Variants in ACP1 observed in about 807,000 individuals in gnomAD.
ACP1 encodes low molecular weight phosphotyrosine protein phosphatase.
In ACP1, 23 loss-of-function variants were observed where a neutral mutation model predicts 23.4. The ratio of observed to expected loss-of-function variants is 0.98; its 90% CI spans 0.71 to 1.39. The LOEUF is 1.39. Ranked by LOEUF, ACP1 falls within the 40% of genes most tolerant of loss-of-function variation. The pLI is 0.00. For synonymous variants in ACP1, 72 were observed against 67.2 expected (o/e 1.07, Z -0.35); for missense variants, 180 against 197.7 (o/e 0.91, Z 0.54).
In ACP1 at chr2:271,918, C is replaced by G; in HGVS notation, c.96C>G (p.Thr32=). 1.2e-6 allele frequency: 2 copies of G among 1,613,066 alleles called. No individual in the cohort carries two copies. Among genetic ancestry groups the G allele is most frequent in the East Asian group, 2.2e-5 (1 of 44,830 alleles). The change falls in exon 2 of 6, where the codon ACC becomes ACG. Residue 32 remains threonine, a synonymous_variant. Transcript: ENST00000272065. ...AAGCAGTTTTCAGGAAACTTGTAACCGATCAAAACATCTCAGAGAATGTAA... is the reference window on the plus strand; with the variant it reads ...AAGCAGTTTTCAGGAAACTTGTAACGGATCAAAACATCTCAGAGAATGTAA... The part of the protein sequence containing the change: ...IAEAVFRKLV[T]DQNISENWRV...
chr2:276,924 C>G, intron 4 of ACP1, 56 bp from the exon 5 acceptor site: 1 of 1,067,480 alleles, frequency 9.4e-7, no homozygotes. Flanking sequence ...AGCAGATGTC[C>G]CTGTTTAACT....
At chr2:272,279 A>C (rs1178834692) in intron 3 of ACP1, 129 bp downstream of exon 3, 1 of 1,613,866 alleles carries the variant, frequency 6.2e-7, no homozygotes, top group African/African-American at 1.3e-5. Context: ...AAATCATGGC[A>C]TTCACACAGC....
chr2:277,367 C>T lies in ACP1; in HGVS notation c.*63C>T. 6.9e-7 allele frequency: 1 copy of T among 1,451,890 alleles called. No homozygotes were observed. The highest frequency in any genetic ancestry group is 2.3e-5 in the East Asian group (1 of 44,162). 89.9% of individuals were successfully genotyped at this position (1,451,890 alleles called of 1,614,324 possible). On this transcript the variant is annotated 3_prime_UTR_variant, in exon 6 of 6. Coordinates refer to ENST00000272065, the MANE Select transcript of ACP1 (RefSeq NM_004300.4). ...CCCCACCCTGAGGTCCTGCATTTCT[C>T]AGTCGGTGTGTAATCACGTTCCAGG... is the stretch of plus-strand genomic sequence containing the variant.
intron 1 of ACP1, among the ~76,000 whole-genome samples, chr2:267,360 C>T (rs1025157460): frequency 6.6e-6 from 1 of 152,154 alleles, no homozygotes; most frequent in African/African-American, 2.4e-5. Context: ...AATTGATGTG[C>T]TCAATCGGTT....
At chr2:266,441 T>C (rs1337346153) in intron 1 of ACP1, 1 of 152,220 alleles carries the variant, frequency 6.6e-6, no homozygotes, top group African/African-American at 2.4e-5. Flanking sequence ...TGGTTGGTAT[T>C]GTCGATTATG....
intron 1 of ACP1, among the ~76,000 whole-genome samples, chr2:266,603 A>G (rs993383597): frequency 7.2e-5 from 11 of 152,340 alleles, no homozygotes; most frequent in African/African-American, 1.9e-4. Context: ...CAATTGGAAC[A>G]TGTGTCTGCT....
intron 1 of ACP1, among the ~76,000 whole-genome samples, chr2:268,838 T>G (rs554897901): frequency 1.4e-4 from 21 of 152,348 alleles, no homozygotes; most frequent in African/African-American, 5.0e-4. Flanking sequence ...GTGCTCCATT[T>G]TTTCATAACA....
chr2:277,354 G>A lies in ACP1; in HGVS notation c.*50G>A, dbSNP rs759869670. 18 of 1,531,656 alleles carry A rather than the reference G, an allele frequency of 1.2e-5. No homozygotes were observed. Among genetic ancestry groups the A allele is most frequent in the Non-Finnish European group, 1.5e-5 (17 of 1,106,726 alleles). The allele number at this position is 1,531,656 out of a possible 1,614,324, so 94.9% of individuals were successfully genotyped here. Reference sequence around the variant, plus strand: ...CAGCCTGACTAGACCCCACCCTGAGGTCCTGCATTTCTCAGTCGGTGTGTA... The same window carrying A: ...CAGCCTGACTAGACCCCACCCTGAGATCCTGCATTTCTCAGTCGGTGTGTA... On this transcript the variant is annotated 3_prime_UTR_variant, in exon 6 of 6. Transcript: ENST00000272065.
chr2:267,867 A>T (rs1669930484), intron 1 of ACP1, among the ~76,000 whole-genome samples: 1 of 152,250 alleles, frequency 6.6e-6, no homozygotes, highest in Non-Finnish European at 1.5e-5. Context: ...CATATGATGA[A>T]CCTGGCTGTG....
rs1670213828 is a variant in ACP1, at chr2:277,661, G to A, written c.*357G>A. Reference sequence around the variant, plus strand: ...TAAGCCTGTTGAGACTTAGATAATCGAGTCTACCTCTTCAGTAGGTTTGTG... The same window carrying A: ...TAAGCCTGTTGAGACTTAGATAATCAAGTCTACCTCTTCAGTAGGTTTGTG... On this transcript the variant is annotated 3_prime_UTR_variant, in exon 6 of 6. Transcript: ENST00000272065. 7.1e-6 allele frequency: 2 copies of A among 281,206 alleles called. No individual in the cohort carries two copies. Among genetic ancestry groups the A allele is most frequent in the East Asian group, 7.9e-5 (1 of 12,598 alleles). 17.4% of individuals were successfully genotyped at this position (281,206 alleles called of 1,614,324 possible).
chr2:268,460 A>G (rs1030973522), intron 1 of ACP1, among the ~76,000 whole-genome samples: 1 of 152,232 alleles, frequency 6.6e-6, no homozygotes, highest in East Asian at 1.9e-4. Context: ...ATGTTTTTGC[A>G]ATAGAGACTT....
intron 1 of ACP1, chr2:265,226 T>C: frequency 2.0e-6 from 1 of 511,604 alleles, no homozygotes; most frequent in Non-Finnish European, 3.4e-6. Flanking sequence ...CCCTCGCGCC[T>C]GCCATATATC....
At chr2:267,753 T>G (rs1669928797) in intron 1 of ACP1, among the ~76,000 whole-genome samples, 1 of 152,200 alleles carries the variant, frequency 6.6e-6, no homozygotes, top group African/African-American at 2.4e-5. Flanking sequence ...CACTGGTCCT[T>G]TAGGGCAGGA....
rs188606715 is a variant in ACP1, at chr2:273,670, A to G, written c.232-1470A>G. 6.6e-5 allele frequency among the ~76,000 whole-genome samples: 10 copies of G among 152,320 alleles called. No homozygotes were observed. The East Asian group carries it at 1.2e-3, about 18-fold the overall frequency. ...GGGGTGATTTGCCACAAGCTGTTTC[A>G]TTTATAGCTGCAAGTGGAAATCCTT... On this transcript the variant is annotated intron_variant, in intron 3 of 5. Transcript: ENST00000272065.
chr2:265,176 G>A (rs1669822787), intron 1 of ACP1, 169 bp downstream of exon 1: 6 of 682,654 alleles, frequency 8.8e-6, no homozygotes, highest in African/African-American at 5.7e-5. Flanking sequence ...TTCCCCATCC[G>A]CCCCGTGCAC....
chr2:265,183 G>A, intron 1 of ACP1, 176 bp downstream of exon 1: 1 of 636,548 alleles, frequency 1.6e-6, no homozygotes, highest in Non-Finnish European at 2.5e-6. Context: ...TCCGCCCCGT[G>A]CACCCGCCCA....
intron 1 of ACP1, chr2:266,187 CTG>C (rs1225021122): frequency 3.3e-5 from 5 of 152,254 alleles, no homozygotes; most frequent in Admixed American, 2.0e-4. Context: ...ATGGCAATAA[CTG>C]TGGCTTATTT....
rs566884591 is a variant in ACP1 at position 275,778 on chromosome 2, G to A, written c.293+577G>A. Among the ~76,000 whole-genome samples, 15 of 152,262 alleles carry A rather than the reference G, an allele frequency of 9.9e-5. No individual in the cohort carries two copies. The South Asian group carries it at 1.7e-3, about 17-fold the overall frequency. ...CCTGCCCCAGTCCCATGTTCAAGGC[G>A]TCATCGGGAACGGATCATAATTTAA... On this transcript the variant is annotated intron_variant, in intron 4 of 5. Coordinates refer to ENST00000272065, the MANE Select transcript of ACP1 (RefSeq NM_004300.4).
At chr2:270,684 A>G (rs1316351666) in intron 1 of ACP1, among the ~76,000 whole-genome samples, 1 of 152,084 alleles carries the variant, frequency 6.6e-6, no homozygotes, top group Non-Finnish European at 1.5e-5. Flanking sequence ...GAAAACCCCA[A>G]TAAAACCTCA....
Sources: gnomAD v4.1 joint callset for allele counts (sites outside exome capture counted in the v4.1 genomes callset) on GRCh38, gnomAD v4.1.1 for gene constraint, MANE v1.5 for transcripts, NCBI Gene and HGNC (gene_info 2026-07-23, HGNC 2026-07-21) for gene names.